Variants in COG5 observed in about 807,000 individuals in gnomAD.
COG5 encodes component of oligomeric golgi complex 5.
Under a neutral mutation model 110.4 loss-of-function variants are expected in COG5, and 86 were observed. That is an observed-to-expected ratio of 0.78 (90% CI 0.65 to 0.93). The LOEUF is 0.93. Among genes scored for constraint, COG5 ranks in the 40% least tolerant of loss-of-function variants. The pLI is 0.00. For missense variants in COG5, 1,077 were observed against 987.0 expected (o/e 1.09, Z -1.22); for synonymous variants, 360 against 334.6 (o/e 1.08, Z -0.83).
At chr7:107,354,019 A>AT (rs1254363937) in intron 10 of COG5, among the ~76,000 whole-genome samples, 1 of 152,190 alleles carries the variant, frequency 6.6e-6, no homozygotes, top group African/African-American at 2.4e-5. Context: ...CCAAATGTTT[A>AT]TTTTTTGTCT....
At chr7:107,372,313 CTTTTTAT>C (rs909457895) in intron 8 of COG5, among the ~76,000 whole-genome samples, 5 of 152,132 alleles carry the variant, frequency 3.3e-5, no homozygotes, top group South Asian at 2.1e-4. Context: ...TGTTCCTTGC[CTTTTTAT>C]TTTTTATTTT....
At chr7:107,463,000 A>G (rs114779172) in intron 6 of COG5, among the ~76,000 whole-genome samples, 1,530 of 152,358 alleles carry the variant, frequency 0.01, 25 homozygotes, top group African/African-American at 0.035. Flanking sequence ...GGTCAAAGCT[A>G]TAAGAATGGA....
At chr7:107,264,264 C>T (rs943490335) in intron 14 of COG5, among the ~76,000 whole-genome samples, 6 of 151,868 alleles carry the variant, frequency 4.0e-5, no homozygotes, top group East Asian at 1.9e-4. Context: ...TAGCAATTCC[C>T]GATCTACATC....
At chr7:107,453,998 T>TA (rs1360402981) in intron 6 of COG5, among the ~76,000 whole-genome samples, 1 of 151,962 alleles carries the variant, frequency 6.6e-6, no homozygotes, top group African/African-American at 2.4e-5. Flanking sequence ...AGATAAAAAA[T>TA]TCATTAATGA....
At position 107,298,329 on chromosome 7, in the gene COG5, G is replaced by A. The variant is rs775852402; in HGVS notation, c.1126C>T (p.Gln376Ter). 1 of 1,613,068 alleles carries A rather than the reference G, an allele frequency of 6.2e-7. No individual in the cohort carries two copies. Among genetic ancestry groups the A allele is most frequent in the South Asian group, 1.1e-5 (1 of 91,030 alleles). ...MATNSSMFLK[Q>*]AFEGEYPKLL... Reference sequence around the variant, plus strand: ...TTAGGGTATTCTCCTTCAAATGCCTGCTTCAAAAACATCGAAGCTGCCAAG... The same window carrying A: ...TTAGGGTATTCTCCTTCAAATGCCTACTTCAAAAACATCGAAGCTGCCAAG... Residue 376 changes from glutamine to a stop codon, truncating the protein, a stop_gained, in exon 12 of 22, where the codon CAG (glutamine) becomes TAG (stop). Coordinates refer to ENST00000297135, the MANE Select transcript of COG5 (RefSeq NM_006348.5). LOFTEE classifies it high-confidence loss of function.
intron 12 of COG5, among the ~76,000 whole-genome samples, chr7:107,284,925 A>G (rs1452209744): frequency 6.6e-6 from 1 of 152,134 alleles, no homozygotes; most frequent in Non-Finnish European, 1.5e-5. Flanking sequence ...CCTTTAAAAC[A>G]TCTAACCTGC....
At chr7:107,541,519 A>ATATATATATAT (rs1554460344) in intron 5 of COG5, among the ~76,000 whole-genome samples, 5 of 78,184 alleles carry the variant, frequency 6.4e-5, no homozygotes, top group Admixed American at 1.4e-4. Context: ...AAAAAAAAAA[A>ATATATATATAT]AAAAATATAT....
At chr7:107,536,776 T>C (rs555520212) in intron 5 of COG5, among the ~76,000 whole-genome samples, 2 of 152,278 alleles carry the variant, frequency 1.3e-5, no homozygotes, top group Admixed American at 1.3e-4. Flanking sequence ...AAATTTCATA[T>C]GGAACCAAAA....
chr7:107,486,417 T>A (rs183122807), intron 6 of COG5, among the ~76,000 whole-genome samples: 26 of 151,990 alleles, frequency 1.7e-4, no homozygotes, highest in African/African-American at 6.3e-4. Flanking sequence ...ACATAATATA[T>A]AACAGAAAAC....
intron 5 of COG5, among the ~76,000 whole-genome samples, chr7:107,534,571 G>T (rs932830801): frequency 6.7e-6 from 1 of 149,726 alleles, no homozygotes; most frequent in Non-Finnish European, 1.5e-5. Flanking sequence ...AAAAGACAAA[G>T]AAGCCCATTA....
chr7:107,424,262 G>A (rs1047217644), intron 6 of COG5, among the ~76,000 whole-genome samples: 1 of 152,074 alleles, frequency 6.6e-6, no homozygotes. Context: ...AACAGAGCGA[G>A]AGTCTGTCTC....
At chr7:107,227,892 T>C (rs1318006901) in intron 19 of COG5, among the ~76,000 whole-genome samples, 3 of 152,090 alleles carry the variant, frequency 2.0e-5, no homozygotes, top group Non-Finnish European at 4.4e-5. Flanking sequence ...TACTTTTTGG[T>C]AGAGATGGGG....
chr7:107,540,354 T>C (rs1801884741), intron 5 of COG5, among the ~76,000 whole-genome samples: 1 of 151,454 alleles, frequency 6.6e-6, no homozygotes. Context: ...GGAGTATCAC[T>C]TGAGGCCAGG....
Position 107,412,504 on chromosome 7 carries a change from G to A in COG5, c.667C>T (p.Gln223Ter). 1 of 1,612,300 alleles carries A rather than the reference G, an allele frequency of 6.2e-7. No individual in the cohort carries two copies. The highest frequency in any genetic ancestry group is 8.5e-7 in the Non-Finnish European group (1 of 1,179,472). ...AAAAACAGTCTTATTTTTATTACCT[G>A]AGTCTCCAAACCCTGCTCTAGTAGG... ...KRLLEQGLETQNPTQVGTALQ... is the reference protein window; with the variant it reads ...KRLLEQGLET Residue 223 changes from glutamine (Q) to a stop codon, truncating the protein, a stop_gained and splice_region_variant, in exon 7 of 22, where the codon CAG (glutamine) becomes TAG (stop). Transcript: ENST00000297135. LOFTEE classifies it high-confidence loss of function.
chr7:107,283,931 C>CTTTTTTTTTTTTTTTTTTTTTTT (rs71522833), intron 12 of COG5, among the ~76,000 whole-genome samples, 199 bp from the exon 13 acceptor site: 1 of 142,636 alleles, frequency 7.0e-6, no homozygotes, highest in Non-Finnish European at 1.5e-5. Context: ...CCATAGTAAC[C>CTTTTTTTTTTTTTTTTTTTTTTT]TTTTTTTTTT....
intron 11 of COG5, among the ~76,000 whole-genome samples, chr7:107,301,812 T>A (rs1027499219): frequency 6.6e-6 from 1 of 151,988 alleles, no homozygotes; most frequent in African/African-American, 2.4e-5. Context: ...GAGGTTGCAG[T>A]AAGCCAAGAT....
chr7:107,366,234 C>A (rs1254688813), intron 8 of COG5, among the ~76,000 whole-genome samples: 1 of 151,824 alleles, frequency 6.6e-6, no homozygotes, highest in Non-Finnish European at 1.5e-5. Flanking sequence ...GTGAAATAGG[C>A]AAGAGGAAAT....
rs1803026910 is a variant in COG5 at position 107,258,162 on chromosome 7, C to T, written c.1686+111G>A. ...TCCTTAGTTTATTTTATAATCATCA[C>T]ATTTTCATTGTATTCTTTTCCAAAG... On this transcript the variant is annotated intron_variant, in intron 15 of 21. Transcript: ENST00000297135. 5 of 690,826 alleles carry T rather than the reference C, an allele frequency of 7.2e-6. No individual in the cohort carries two copies. The East Asian group carries it at 1.1e-4, about 15-fold the overall frequency. The allele number at this position is 690,826 out of a possible 1,614,324, so 42.8% of individuals were successfully genotyped here.
intron 14 of COG5, 102 bp downstream of exon 14, chr7:107,281,198 G>A (rs1805136266): frequency 1.2e-6 from 1 of 809,824 alleles, no homozygotes; most frequent in Non-Finnish European, 2.0e-6. Context: ...AAAAATGGAA[G>A]TAAGTAAATA....
Sources: allele counts gnomAD v4.1 joint callset (sites outside exome capture counted in the v4.1 genomes callset), GRCh38; gene constraint gnomAD v4.1.1; transcripts MANE v1.5; gene names NCBI Gene and HGNC (gene_info 2026-07-23, HGNC 2026-07-21).